EYS: variants seen among roughly 807,000 people sequenced by gnomAD.
The protein encoded by EYS is EGF-like photoreceptor maintenance factor.
A neutral mutation model predicts 282.1 loss-of-function variants in EYS; 250 were observed. The observed-to-expected ratio is 0.89, with a 90% CI of 0.80 to 0.98. The LOEUF (loss-of-function observed/expected upper bound fraction) is 0.98, where lower values mean the gene tolerates loss of function less well. Among genes scored for constraint, EYS ranks in the 50% least tolerant of loss-of-function variants. The pLI is 0.00. For synonymous variants in EYS, 1,355 were observed against 1,282.9 expected (o/e 1.06, Z -1.20); for missense variants, 4,016 against 3,709.0 (o/e 1.08, Z -2.15).
intron 22 of EYS, among the ~76,000 whole-genome samples, chr6:64,712,803 C>T (rs1771254456): frequency 6.6e-6 from 1 of 152,086 alleles, no homozygotes; most frequent in African/African-American, 2.4e-5. Flanking sequence ...ATTTCAGGAC[C>T]CACGCCCTGC....
chr6:64,810,190 T>C (rs1302256456), intron 22 of EYS, among the ~76,000 whole-genome samples: 4 of 151,982 alleles, frequency 2.6e-5, no homozygotes, highest in Non-Finnish European at 4.4e-5. Flanking sequence ...CACCACATAT[T>C]TTGAATAAAC....
intron 19 of EYS, among the ~76,000 whole-genome samples, chr6:64,852,519 T>A (rs1765917806): frequency 6.6e-6 from 1 of 152,118 alleles, no homozygotes; most frequent in Non-Finnish European, 1.5e-5. Context: ...TTGATACTAC[T>A]TAATAAACTC....
rs368500310 is a variant in EYS, at chr6:64,859,938, A to G, written c.2992+26759T>C. ...TAGTCTTAGCATGGTATATCTTTTT[A>G]TATCTCTTCTATCATTCACTTTTGA... On this transcript the variant is annotated intron_variant, in intron 19 of 42. Transcript: ENST00000503581. Among the ~76,000 whole-genome samples the G allele has an allele frequency of 1.7e-3, 261 of 152,280 alleles. 1 individual carries two copies. The highest frequency in any genetic ancestry group is 6.0e-3 in the African/African-American group (250 of 41,564).
intron 14 of EYS, among the ~76,000 whole-genome samples, chr6:64,950,792 C>CATATAAATATATATAT (rs762177788): frequency 1.6e-5 from 1 of 60,914 alleles, no homozygotes; most frequent in Admixed American, 2.1e-4. Context: ...TACACATATA[C>CATATAAATATATATAT]ATATACATAT....
intron 14 of EYS, among the ~76,000 whole-genome samples, chr6:64,978,728 T>A (rs1434778780): frequency 6.6e-6 from 1 of 151,876 alleles, no homozygotes; most frequent in Non-Finnish European, 1.5e-5. Context: ...AATATCCACA[T>A]TAATAAGAGT....
At chr6:64,355,291 A>T (rs1442274740) in intron 29 of EYS, among the ~76,000 whole-genome samples, 3 of 151,584 alleles carry the variant, frequency 2.0e-5, no homozygotes, top group African/African-American at 7.3e-5. Flanking sequence ...TTAACTTCTT[A>T]TCCTGCTGCT....
chr6:65,231,172 T>TTA (rs770020911), intron 12 of EYS, among the ~76,000 whole-genome samples: 3 of 145,050 alleles, frequency 2.1e-5, no homozygotes, highest in Non-Finnish European at 4.5e-5. Context: ...TATATATATT[T>TTA]TATATATATA....
chr6:65,507,378 T>C (rs1367780337), intron 2 of EYS, among the ~76,000 whole-genome samples: 2 of 152,158 alleles, frequency 1.3e-5, no homozygotes, highest in Non-Finnish European at 2.9e-5. Context: ...GCAGTTTGCA[T>C]ATGACATGCC....
At chr6:64,475,692 C>A (rs555219608) in intron 26 of EYS, among the ~76,000 whole-genome samples, 1 of 151,866 alleles carries the variant, frequency 6.6e-6, no homozygotes, top group African/African-American at 2.4e-5. Context: ...AAAAAAGTCA[C>A]TTAAACACCC....
At chr6:65,198,727 G>T (rs559284338) in intron 12 of EYS, among the ~76,000 whole-genome samples, 18 of 152,232 alleles carry the variant, frequency 1.2e-4, no homozygotes, top group African/African-American at 4.3e-4. Flanking sequence ...GTATTTTCAT[G>T]GAAGTGAGTA....
chr6:63,777,178 A>AT (rs1770086708), intron 40 of EYS, among the ~76,000 whole-genome samples: 1 of 152,016 alleles, frequency 6.6e-6, no homozygotes, highest in Non-Finnish European at 1.5e-5. Flanking sequence ...GCTTTTGATC[A>AT]TTTTCTAGTG....
intron 34 of EYS, among the ~76,000 whole-genome samples, chr6:63,998,649 T>A (rs976608284): frequency 5.3e-5 from 8 of 152,200 alleles, no homozygotes; most frequent in Non-Finnish European, 4.4e-5. Flanking sequence ...TCAATGTTTC[T>A]AAGAGAAATT....
At chr6:65,078,504 C>A (rs959860407) in intron 12 of EYS, among the ~76,000 whole-genome samples, 6 of 151,850 alleles carry the variant, frequency 4.0e-5, no homozygotes, top group Admixed American at 3.9e-4. Flanking sequence ...AGGAGTGTGA[C>A]CAGTATCTGA....
intron 13 of EYS, among the ~76,000 whole-genome samples, chr6:65,039,408 A>G (rs2150148313): frequency 6.6e-6 from 1 of 151,590 alleles, no homozygotes; most frequent in East Asian, 1.9e-4. Flanking sequence ...AAGCTGTAAA[A>G]TCAGATGGTA....
At chr6:64,476,786 T>C (rs1381285435) in intron 26 of EYS, among the ~76,000 whole-genome samples, 2 of 152,158 alleles carry the variant, frequency 1.3e-5, no homozygotes, top group African/African-American at 4.8e-5. Context: ...AATTTTCTGA[T>C]TTGTCAATAA....
rs1561913890 is a variant in EYS at position 64,296,596 on chromosome 6, A to ATT, written c.6191+10373_6191+10374insAA. Among the ~76,000 whole-genome samples, 7 of 6,158 alleles carry ATT rather than the reference A, an allele frequency of 1.1e-3. 1 individual carries two copies. Among genetic ancestry groups the ATT allele is most frequent in the African/African-American group, 1.5e-3 (4 of 2,734 alleles). The allele number at this position is 6,158 out of a possible 152,430, so 4.0% of individuals were successfully genotyped here. A position where few individuals can be genotyped will look rare whatever the true frequency, so the allele number is the denominator to read the frequency against. ...TATATATATATATACATATATATAT[A>ATT]TATTTTTTTTTTTTTTTTTTTTTTT... On this transcript the variant is annotated intron_variant, in intron 30 of 42. Coordinates refer to ENST00000503581, the MANE Select transcript of EYS (RefSeq NM_001142800.2).
At chr6:64,676,079 T>C (rs984096792) in intron 22 of EYS, among the ~76,000 whole-genome samples, 2 of 147,042 alleles carry the variant, frequency 1.4e-5, no homozygotes, top group Non-Finnish European at 3.0e-5. Flanking sequence ...TATAGATAGA[T>C]AGAGAGAGAG....
chr6:64,644,630 G>C (rs946538606), intron 22 of EYS, among the ~76,000 whole-genome samples: 1 of 152,130 alleles, frequency 6.6e-6, no homozygotes, highest in Non-Finnish European at 1.5e-5. Context: ...CAGAGAAGTA[G>C]TAGAACATTA....
chr6:64,122,680 T>C (rs1348683065), intron 31 of EYS, among the ~76,000 whole-genome samples: 2 of 152,134 alleles, frequency 1.3e-5, no homozygotes, highest in Non-Finnish European at 2.9e-5. Flanking sequence ...AATGAAATAA[T>C]ATTTTAAAGA....
Sources: gnomAD v4.1 joint callset for allele counts (sites outside exome capture counted in the v4.1 genomes callset) on GRCh38, gnomAD v4.1.1 for gene constraint, MANE v1.5 for transcripts, NCBI Gene and HGNC (gene_info 2026-07-23, HGNC 2026-07-21) for gene names.